The following WFDC10B variants were observed in gnomAD, a reference collection of about 807,000 sequenced individuals.
The protein encoded by WFDC10B is WAP four-disulfide core domain 10B, also known as protein WFDC10B.
Under a neutral mutation model 2.7 loss-of-function variants are expected in WFDC10B, and 1 was observed. That is an observed-to-expected ratio of 0.38 (90% CI 0.13 to 1.79). The LOEUF is 1.79. Ranked by LOEUF, WFDC10B falls within the 40% of genes most tolerant of loss-of-function variation. The pLI is 0.33. For synonymous variants in WFDC10B, 26 were observed against 32.2 expected (o/e 0.81, Z 0.65); for missense variants, 71 against 87.8 (o/e 0.81, Z 0.76).
intron 2 of WFDC10B, among the ~76,000 whole-genome samples, chr20:45,692,983 G>A (rs1983863399): frequency 6.6e-6 from 1 of 152,070 alleles, no homozygotes; most frequent in South Asian, 2.1e-4. Flanking sequence ...TCTTGATGAT[G>A]GTAATGTAGA....
chr20:45,693,052 A>T (rs890337707), intron 2 of WFDC10B, among the ~76,000 whole-genome samples: 2 of 151,982 alleles, frequency 1.3e-5, no homozygotes, highest in African/African-American at 4.8e-5. Context: ...AACAGACAGG[A>T]CCCTTAGCTG....
In WFDC10B at chr20:45,704,921, C is replaced by T. The variant is rs761638791; in HGVS notation, c.-133G>A. 1.5e-5 allele frequency: 25 copies of T among 1,613,942 alleles called. 3 individuals are homozygous for T. The Admixed American group carries it at 1.8e-4, about 12-fold the overall frequency. On this transcript the variant is annotated 5_prime_UTR_variant, in exon 1 of 4. Coordinates refer to ENST00000330523, the MANE Select transcript of WFDC10B (RefSeq NM_172006.2). ...CCTTATCCCAGGGACACTGTACCTG[C>T]AGGTGTAACCAAAATCCCAAAGCAA...
intron 2 of WFDC10B, chr20:45,702,257 T>C (rs1984195519): frequency 1.3e-6 from 2 of 1,564,718 alleles, no homozygotes; most frequent in Non-Finnish European, 8.7e-7. Flanking sequence ...CATGTGTGGA[T>C]AGGAGAGGAT....
At chr20:45,687,163 G>T (rs1209802681) in intron 2 of WFDC10B, among the ~76,000 whole-genome samples, 1 of 152,090 alleles carries the variant, frequency 6.6e-6, no homozygotes, top group Admixed American at 6.5e-5. Flanking sequence ...TCCCTCCTAT[G>T]ACAGGCCCCA....
At chr20:45,692,479 G>A in intron 2 of WFDC10B, among the ~76,000 whole-genome samples, 1 of 152,196 alleles carries the variant, frequency 6.6e-6, no homozygotes, top group Non-Finnish European at 1.5e-5. Flanking sequence ...ACACCAATCA[G>A]ACGTAGATTT....
At position 45,686,041 on chromosome 20, in the gene WFDC10B, T is replaced by C. The variant is rs767904998; in HGVS notation, c.-49A>G. ...TAAGTCTGGCCAGGCAGTCACAGAC[T>C]TCCCTGCAGAGCTGCCTGTGGAGAG... is the stretch of plus-strand genomic sequence containing the variant. On this transcript the variant is annotated 5_prime_UTR_variant, in exon 3 of 4. Transcript: ENST00000330523. The C allele has an allele frequency of 1.2e-6, 2 of 1,600,568 alleles. No individual in the cohort carries two copies. Among genetic ancestry groups the C allele is most frequent in the South Asian group, 1.1e-5 (1 of 89,306 alleles).
rs1600955336 is a variant in WFDC10B, at chr20:45,690,084, A to G, written c.-64-4028T>C. On this transcript the variant is annotated intron_variant, in intron 2 of 3. Transcript: ENST00000330523. Reference sequence around the variant, plus strand: ...GAATTTTGTCAAAGGCCTTTTCTGCATCTATTGAGATAATCAGGTGGTTTT... The same window carrying G: ...GAATTTTGTCAAAGGCCTTTTCTGCGTCTATTGAGATAATCAGGTGGTTTT... Among the ~76,000 whole-genome samples, 5 of 152,338 alleles carry G rather than the reference A, an allele frequency of 3.3e-5. No individual in the cohort carries two copies. The East Asian group carries it at 9.6e-4, about 29-fold the overall frequency.
At chr20:45,697,261 G>A (rs1984004497) in intron 2 of WFDC10B, among the ~76,000 whole-genome samples, 1 of 151,576 alleles carries the variant, frequency 6.6e-6, no homozygotes, top group African/African-American at 2.4e-5. Flanking sequence ...GGCTATGAAA[G>A]GATAAAATAC....
intron 2 of WFDC10B, among the ~76,000 whole-genome samples, chr20:45,702,429 CAGG>C (rs1984204314): frequency 6.6e-6 from 1 of 152,180 alleles, no homozygotes; most frequent in South Asian, 2.1e-4. Context: ...ATAATGAATA[CAGG>C]AGGAGAACAG....
rs151324117 is a variant in WFDC10B at position 45,704,817 on chromosome 20, C to T, written c.-130+101G>A. ...AATCACCACATCCCATCACCATATCCGTGAATTTCTGACTCTGCCTCTCTG... is the reference window on the plus strand; with the variant it reads ...AATCACCACATCCCATCACCATATCTGTGAATTTCTGACTCTGCCTCTCTG... On this transcript the variant is annotated intron_variant, in intron 1 of 3. Coordinates refer to ENST00000330523, the MANE Select transcript of WFDC10B (RefSeq NM_172006.2). The T allele has an allele frequency of 4.1e-4, 560 of 1,367,476 alleles. 4 individuals carry two copies. The African/African-American group carries it at 6.2e-3, about 15-fold the overall frequency. The allele number at this position is 1,367,476 out of a possible 1,614,324, so 84.7% of individuals were successfully genotyped here. A position where few individuals can be genotyped will look rare whatever the true frequency, so the allele number is the denominator to read the frequency against.
intron 2 of WFDC10B, among the ~76,000 whole-genome samples, chr20:45,697,435 A>G (rs1398549538): frequency 7.9e-6 from 1 of 127,042 alleles, no homozygotes; most frequent in African/African-American, 3.1e-5. Flanking sequence ...CCCAGGCTGG[A>G]GTGCAGTGGC....
chr20:45,689,394 T>A (rs1427315799), intron 2 of WFDC10B, among the ~76,000 whole-genome samples: 1 of 151,754 alleles, frequency 6.6e-6, no homozygotes, highest in African/African-American at 2.4e-5. Flanking sequence ...ATTGGTAGCT[T>A]GATGGGGATG....
chr20:45,689,959 T>G (rs1476729200), intron 2 of WFDC10B, among the ~76,000 whole-genome samples: 65 of 149,080 alleles, frequency 4.4e-4, no homozygotes, highest in African/African-American at 6.5e-4. Flanking sequence ...GCCCATTCAG[T>G]ATGATGTTGG....
In WFDC10B at chr20:45,685,986, G is replaced by T; in HGVS notation, c.7C>A (p.Pro3Thr). Residue 3 changes from proline (P) to threonine (T), a missense_variant, in exon 3 of 4, where the codon CCC becomes ACC. Pro to Thr is a conservative substitution (Grantham distance 38). Transcript: ENST00000330523. MA[P>T]QTLLLVLVLC... ...ACCAGGACAAGCAGCAGAGTCTGGG[G>T]TGCCATAACTCTGACCAGAGCGTGA... 1 of 1,613,968 alleles carries T rather than the reference G, an allele frequency of 6.2e-7. No homozygotes were observed. Among genetic ancestry groups the T allele is most frequent in the Non-Finnish European group, 8.5e-7 (1 of 1,179,964 alleles).
At chr20:45,687,357 G>A (rs1568669652) in intron 2 of WFDC10B, among the ~76,000 whole-genome samples, 1 of 152,030 alleles carries the variant, frequency 6.6e-6, no homozygotes, top group Non-Finnish European at 1.5e-5. Flanking sequence ...TCCTTTTTAT[G>A]CCACATAGTA....
At chr20:45,698,044 G>A (rs948955458) in intron 2 of WFDC10B, among the ~76,000 whole-genome samples, 1 of 152,070 alleles carries the variant, frequency 6.6e-6, no homozygotes, top group Non-Finnish European at 1.5e-5. Context: ...ACACCTGGCC[G>A]GATTTTTCTT....
chr20:45,702,687 G>A (rs754651594), intron 2 of WFDC10B, among the ~76,000 whole-genome samples: 3 of 152,184 alleles, frequency 2.0e-5, no homozygotes, highest in Admixed American at 1.3e-4. Flanking sequence ...AGGAAGTCTT[G>A]CCTTTTATTC....
chr20:45,699,006 G>A (rs1230120468), intron 2 of WFDC10B, among the ~76,000 whole-genome samples: 1 of 150,570 alleles, frequency 6.6e-6, no homozygotes, highest in African/African-American at 2.4e-5. Flanking sequence ...GGAGGGGGAG[G>A]GGGAAGAAGA....
chr20:45,685,052 G>C, intron 3 of WFDC10B, 92 bp from the exon 4 acceptor site: 1 of 1,541,650 alleles, frequency 6.5e-7, no homozygotes, highest in South Asian at 1.2e-5. Flanking sequence ...CAGAACCAAG[G>C]CACCCCTGCC....
Sources: gnomAD v4.1 joint callset for allele counts (sites outside exome capture counted in the v4.1 genomes callset) on GRCh38, gnomAD v4.1.1 for gene constraint, MANE v1.5 for transcripts, NCBI Gene and HGNC (gene_info 2026-07-23, HGNC 2026-07-21) for gene names.